The following DNAH5 variants were observed in gnomAD, a reference collection of about 807,000 sequenced individuals.
DNAH5 encodes axonemal beta dynein heavy chain 5.
A neutral mutation model predicts 518.2 loss-of-function variants in DNAH5; 372 were observed. The ratio of observed to expected loss-of-function variants is 0.72; its 90% confidence interval spans 0.66 to 0.78. The LOEUF is 0.78. Ranked by LOEUF, DNAH5 falls within the 30% of genes least tolerant of loss-of-function variation. DNAH5 has a pLI of 0.00. For synonymous variants in DNAH5, 2,039 were observed against 2,025.9 expected (o/e 1.01, Z -0.17); for missense variants, 5,523 against 5,687.0 (o/e 0.97, Z 0.93).
chr5:13,703,700 G>T (rs574163966), intron 76 of DNAH5, among the ~76,000 whole-genome samples: 3 of 152,156 alleles, frequency 2.0e-5, no homozygotes, highest in African/African-American at 7.2e-5. Context: ...CCTTCTATGG[G>T]GAGAGAGCTC....
At chr5:13,864,269 T>C in intron 28 of DNAH5, 128 bp downstream of exon 28, 1 of 1,258,884 alleles carries the variant, frequency 7.9e-7, no homozygotes, top group Non-Finnish European at 1.1e-6. Flanking sequence ...AAGGAACTAG[T>C]GGCTGAATGC....
chr5:13,885,140 T>A lies in DNAH5; in HGVS notation c.2832A>T (p.Lys944Asn). 1 of 1,614,234 alleles carries A rather than the reference T, an allele frequency of 6.2e-7. No individual in the cohort carries two copies. The highest frequency in any genetic ancestry group is 8.5e-7 in the Non-Finnish European group (1 of 1,180,032). Residue 944 changes from lysine (K) to asparagine (N), a missense_variant, in exon 19 of 79, where the codon AAA (lysine) becomes AAT (asparagine). Transcript: ENST00000265104. ...NALLLTTVTR[K>N]KKETEMLGEE... ...CCCCTAACATCTCAGTTTCTTTCTT[T>A]TTCCTCGTGACTGTCGTCAAAAGCA...
intron 78 of DNAH5, 45 bp downstream of exon 78, chr5:13,700,595 C>T: frequency 6.5e-7 from 1 of 1,543,300 alleles, no homozygotes. Context: ...TAATGTCATC[C>T]AAACGAACAA....
intron 65 of DNAH5, among the ~76,000 whole-genome samples, chr5:13,737,950 C>G (rs1188650022): frequency 6.6e-6 from 1 of 152,106 alleles, no homozygotes; most frequent in Non-Finnish European, 1.5e-5. Flanking sequence ...GTAGTCCCAG[C>G]TGCTTGGGAA....
intron 3 of DNAH5, among the ~76,000 whole-genome samples, chr5:13,926,806 G>A (rs772688386): frequency 6.6e-6 from 1 of 152,186 alleles, no homozygotes; most frequent in Non-Finnish European, 1.5e-5. Context: ...TTCATCCAGT[G>A]CTCCGTTCAT....
chr5:13,738,974 A>G (rs1325794571), intron 65 of DNAH5, among the ~76,000 whole-genome samples: 1 of 152,216 alleles, frequency 6.6e-6, no homozygotes, highest in African/African-American at 2.4e-5. Context: ...ACAATTCATT[A>G]TAAGTAAAAT....
At chr5:13,965,219 C>T (rs1033769057) in intron 1 of DNAH5, among the ~76,000 whole-genome samples, 3 of 152,008 alleles carry the variant, frequency 2.0e-5, no homozygotes, top group African/African-American at 7.2e-5. Context: ...TATTTTAAAA[C>T]CTGTATGTTA....
chr5:13,930,615 A>C (rs1778323659), intron 2 of DNAH5, among the ~76,000 whole-genome samples: 1 of 152,176 alleles, frequency 6.6e-6, no homozygotes, highest in African/African-American at 2.4e-5. Flanking sequence ...TCAAACACAA[A>C]GCAAATCACA....
intron 11 of DNAH5, among the ~76,000 whole-genome samples, chr5:13,912,121 T>C (rs905483328): frequency 6.6e-6 from 1 of 152,146 alleles, no homozygotes; most frequent in African/African-American, 2.4e-5. Context: ...GAAGCTTTGT[T>C]TGCTTTCAAT....
intron 61 of DNAH5, among the ~76,000 whole-genome samples, chr5:13,757,026 G>A (rs2126718913): frequency 6.6e-6 from 1 of 152,290 alleles, no homozygotes; most frequent in South Asian, 2.1e-4. Flanking sequence ...GTTCCTGAAA[G>A]GACACAATCT....
At chr5:13,970,201 C>T (rs1245185607) in intron 1 of DNAH5, among the ~76,000 whole-genome samples, 1 of 152,178 alleles carries the variant, frequency 6.6e-6, no homozygotes, top group African/African-American at 2.4e-5. Context: ...GTTGGTGAGT[C>T]TCTTGAAGAT....
chr5:13,997,079 C>T (rs1784017386), intron 1 of DNAH5, among the ~76,000 whole-genome samples: 1 of 152,210 alleles, frequency 6.6e-6, no homozygotes, highest in African/African-American at 2.4e-5. Flanking sequence ...ATGAGGATAC[C>T]ACCAAGCTTT....
intron 1 of DNAH5, among the ~76,000 whole-genome samples, chr5:13,989,206 A>G (rs1561051512): frequency 6.6e-6 from 1 of 152,104 alleles, no homozygotes; most frequent in East Asian, 1.9e-4. Context: ...GGGTGGAACT[A>G]TTTCTTTCTA....
chr5:13,750,749 T>C (rs1244516334), intron 65 of DNAH5, among the ~76,000 whole-genome samples: 1 of 152,194 alleles, frequency 6.6e-6, no homozygotes, highest in East Asian at 1.9e-4. Context: ...GAATTCATAA[T>C]AGAACACACT....
In DNAH5 at chr5:13,876,867, T is replaced by C. The variant is rs554690521; in HGVS notation, c.3263-50A>G. The C allele has an allele frequency of 9.5e-6, 15 of 1,574,948 alleles. No individual in the cohort carries two copies. In the East Asian group the frequency reaches 3.1e-4, roughly 33 times the overall value. On this transcript the variant is annotated intron_variant, in intron 21 of 78. Transcript: ENST00000265104. ...ACTTTACACTACTCACACAAGAATGTACTTTCAGGAGATGAGGATATTTCT... is the reference window on the plus strand; with the variant it reads ...ACTTTACACTACTCACACAAGAATGCACTTTCAGGAGATGAGGATATTTCT...
Position 13,733,441 on chromosome 5 carries a change from G to T in DNAH5, c.11761+1690C>A, listed in dbSNP as rs754367141. On this transcript the variant is annotated intron_variant, in intron 68 of 78. Coordinates refer to ENST00000265104, the MANE Select transcript of DNAH5 (RefSeq NM_001369.3). Reference sequence around the variant, plus strand: ...CCATTGAAAAGCTCTAGAAACGGGGGACTAGAGTCACTGAGGCCAGAAATT... The same window carrying T: ...CCATTGAAAAGCTCTAGAAACGGGGTACTAGAGTCACTGAGGCCAGAAATT... 2.6e-5 allele frequency among the ~76,000 whole-genome samples: 4 copies of T among 152,150 alleles called. No homozygotes were observed. In the South Asian group the frequency reaches 8.3e-4, roughly 32 times the overall value.
At chr5:13,887,243 T>C (rs982723804) in intron 17 of DNAH5, among the ~76,000 whole-genome samples, 8 of 152,214 alleles carry the variant, frequency 5.3e-5, no homozygotes, top group African/African-American at 1.4e-4. Context: ...TTCCTTTGTA[T>C]TGAGGGTTCT....
chr5:13,904,256 A>C (rs1775011915), intron 12 of DNAH5, among the ~76,000 whole-genome samples: 1 of 151,008 alleles, frequency 6.6e-6, no homozygotes, highest in Admixed American at 6.6e-5. Flanking sequence ...ACTCTATACT[A>C]AAAACAACAA....
intron 76 of DNAH5, among the ~76,000 whole-genome samples, chr5:13,704,551 G>A (rs967747496): frequency 4.6e-5 from 7 of 152,174 alleles, no homozygotes; most frequent in Non-Finnish European, 8.8e-5. Flanking sequence ...GAATTCAGGC[G>A]GAGAAAAGAG....
Sources: gnomAD v4.1 joint callset for allele counts (sites outside exome capture counted in the v4.1 genomes callset) on GRCh38, gnomAD v4.1.1 for gene constraint, MANE v1.5 for transcripts, NCBI Gene and HGNC (gene_info 2026-07-23, HGNC 2026-07-21) for gene names.